The following POLA1 variants were observed in gnomAD, a reference collection of about 807,000 sequenced individuals.
The protein encoded by POLA1 is DNA polymerase alpha 1, catalytic subunit.
In POLA1, 15 loss-of-function variants were observed where a neutral mutation model predicts 124.0. That is an observed-to-expected ratio of 0.12 (90% CI 0.08 to 0.19). The LOEUF is 0.19. POLA1 is among the 10% of genes least tolerant of loss of function. The probability of loss-of-function intolerance (pLI) is 1.00; values close to 1 mark genes in which losing one functional copy is unlikely to be tolerated. For missense variants in POLA1, 886 were observed against 1,103.4 expected (o/e 0.80, Z 2.79); for synonymous variants, 408 against 389.4 (o/e 1.05, Z -0.56).
chrX:24,897,550 G>T (rs1192754053), intron 35 of POLA1, among the ~76,000 whole-genome samples: 10 of 111,615 alleles, frequency 9.0e-5, no homozygotes, highest in Admixed American at 2.8e-4. Flanking sequence ...GTCTACAAAC[G>T]AAAAAAGAGC....
At chrX:24,716,012 G>A (rs2064426234) in intron 6 of POLA1, among the ~76,000 whole-genome samples, 1 of 111,343 alleles carries the variant, frequency 9.0e-6, no homozygotes, top group African/African-American at 3.3e-5. Context: ...ATTTAGAAGT[G>A]TACTTCTTTT....
intron 19 of POLA1, 42 bp downstream of exon 19, chrX:24,737,783 A>G (rs779209238): frequency 1.6e-6 from 1 of 644,559 alleles, no homozygotes; most frequent in Admixed American, 2.8e-5. Context: ...ATTTATTTTA[A>G]TTTGGGATAG....
At chrX:24,922,426 T>C (rs1292282571) in intron 35 of POLA1, among the ~76,000 whole-genome samples, 1 of 111,129 alleles carries the variant, frequency 9.0e-6, no homozygotes, top group African/African-American at 3.3e-5. Flanking sequence ...TTCCCATCTA[T>C]GAAACAGATA....
At chrX:24,814,421 C>T (rs956799845) in intron 29 of POLA1, among the ~76,000 whole-genome samples, 2 of 111,334 alleles carry the variant, frequency 1.8e-5, no homozygotes, top group East Asian at 2.8e-4. Flanking sequence ...TAAGGAATAG[C>T]GTAAGGGAGA....
intron 34 of POLA1, among the ~76,000 whole-genome samples, chrX:24,861,435 A>T (rs188663474): frequency 4.4e-4 from 50 of 112,711 alleles, no homozygotes; most frequent in African/African-American, 1.5e-3. Flanking sequence ...CCCAGCCAAC[A>T]CTCAGTTTTA....
At chrX:24,955,506 C>A (rs923980614) in intron 36 of POLA1, among the ~76,000 whole-genome samples, 1 of 111,064 alleles carries the variant, frequency 9.0e-6, no homozygotes, top group Non-Finnish European at 1.9e-5. Context: ...ACAGTTTCTG[C>A]CCTCAAGAAG....
At chrX:24,848,046 A>G (rs1201224878) in intron 34 of POLA1, among the ~76,000 whole-genome samples, 1 of 112,124 alleles carries the variant, frequency 8.9e-6, no homozygotes, top group Non-Finnish European at 1.9e-5. Flanking sequence ...ACCAAATACC[A>G]GGCAAAGAGG....
chrX:24,697,968 G>C (rs1928134525), intron 1 of POLA1, among the ~76,000 whole-genome samples: 1 of 105,583 alleles, frequency 9.5e-6, no homozygotes, highest in Admixed American at 1.0e-4. Flanking sequence ...TTGAGATAGA[G>C]TCTCGCTCTG....
In POLA1 at chrX:24,916,312, C is replaced by T. The variant is rs72623017; in HGVS notation, c.4165-14141C>T. Among the ~76,000 whole-genome samples, 529 of 98,794 alleles carry T rather than the reference C, an allele frequency of 5.4e-3. 11 individuals are homozygous for T. The East Asian group carries it at 0.064, about 12-fold the overall frequency. 85.8% of individuals were successfully genotyped at this position (98,794 alleles called of 115,157 possible). A position where few individuals can be genotyped will look rare whatever the true frequency, so the allele number is the denominator to read the frequency against. ...CTTTTTTTTTTTTTTGAGGCAGTCT[C>T]GCTGTGTCGCTCAGGCTAGAGTGCA... On this transcript the variant is annotated intron_variant, in intron 35 of 36. Transcript: ENST00000379068.
At chrX:24,716,204 T>C (rs765911881) in intron 6 of POLA1, among the ~76,000 whole-genome samples, 158 bp from the exon 7 acceptor site, 16 of 85,167 alleles carry the variant, frequency 1.9e-4, no homozygotes, top group Admixed American at 5.4e-4. Context: ...GTATTGTTGC[T>C]ATAGTAACCA....
intron 34 of POLA1, among the ~76,000 whole-genome samples, chrX:24,873,112 G>A (rs2046887627): frequency 1.8e-5 from 2 of 111,445 alleles, no homozygotes; most frequent in South Asian, 7.6e-4. Flanking sequence ...TTGGACAAAT[G>A]TTTCTAACAT....
chrX:24,780,598 TA>T (rs1471560575), intron 26 of POLA1, among the ~76,000 whole-genome samples: 1 of 112,439 alleles, frequency 8.9e-6, no homozygotes, highest in Non-Finnish European at 1.9e-5. Flanking sequence ...TTTAGTTTGT[TA>T]ATATGGTGAT....
intron 26 of POLA1, among the ~76,000 whole-genome samples, chrX:24,801,924 G>GTGTGTGTGTGTGTGTGTGTGTGTGTGT: frequency 1.3e-5 from 1 of 74,544 alleles, no homozygotes; most frequent in East Asian, 4.8e-4. Context: ...GAGGTGGGTG[G>GTGTGTGTGTGTGTGTGTGTGTGTGTGT]GTGTGTGTGT....
chrX:24,696,641 C>T (rs970161157), intron 1 of POLA1, among the ~76,000 whole-genome samples: 1 of 111,391 alleles, frequency 9.0e-6, no homozygotes, highest in African/African-American at 3.3e-5. Flanking sequence ...ATAGGCTCTG[C>T]GTCTCATCAA....
intron 26 of POLA1, among the ~76,000 whole-genome samples, chrX:24,805,231 C>A (rs1375072563): frequency 9.1e-6 from 1 of 110,048 alleles, no homozygotes; most frequent in African/African-American, 3.3e-5. Context: ...TCTTTTTAAC[C>A]AAAAAAAAGT....
chrX:24,775,676 G>A (rs1266249822), intron 26 of POLA1, among the ~76,000 whole-genome samples: 3 of 111,849 alleles, frequency 2.7e-5, no homozygotes, highest in African/African-American at 9.7e-5. Context: ...TCAATAGGAG[G>A]ATTGTACATA....
chrX:24,950,461 C>G (rs766193705), intron 36 of POLA1, among the ~76,000 whole-genome samples: 1 of 112,433 alleles, frequency 8.9e-6, no homozygotes, highest in Non-Finnish European at 1.9e-5. Flanking sequence ...TTCTTTTCCT[C>G]CTTCATTGCA....
rs764618354 is a variant in POLA1, at chrX:24,947,246, C to CTTTTTT, written c.4261+16731_4261+16736dup. Among the ~76,000 whole-genome samples, 57 of 21,620 alleles carry CTTTTTT rather than the reference C, an allele frequency of 2.6e-3. 11 individuals carry two copies. Among genetic ancestry groups the CTTTTTT allele is most frequent in the Middle Eastern group, 0.077 (2 of 26 alleles). 18.8% of individuals were successfully genotyped at this position (21,620 alleles called of 115,157 possible). A position where few individuals can be genotyped will look rare whatever the true frequency, so the allele number is the denominator to read the frequency against. On this transcript the variant is annotated intron_variant, in intron 36 of 36. Coordinates refer to ENST00000379068, the MANE Select transcript of POLA1 (RefSeq NM_001330360.2). ...CAGCTGGTTGTTTTCCCTGCAGATT[C>CTTTTTT]TTTTTTTTTTTTTTTTTTTTTTTTT...
At chrX:24,952,521 A>G (rs1175560207) in intron 36 of POLA1, among the ~76,000 whole-genome samples, 1 of 112,103 alleles carries the variant, frequency 8.9e-6, no homozygotes, top group Non-Finnish European at 1.9e-5. Context: ...CTTACTGCTC[A>G]AATGAAAAAA....
Sources: allele counts gnomAD v4.1 joint callset (sites outside exome capture counted in the v4.1 genomes callset), GRCh38; gene constraint gnomAD v4.1.1; transcripts MANE v1.5; gene names NCBI Gene and HGNC (gene_info 2026-07-23, HGNC 2026-07-21).